HIVEP1: variants seen among roughly 807,000 people sequenced by gnomAD.
HIVEP1 encodes zinc finger protein 40.
Under a neutral mutation model 180.0 loss-of-function variants are expected in HIVEP1, and 36 were observed. That is an observed-to-expected ratio of 0.20 (90% confidence interval 0.15 to 0.26). The LOEUF (loss-of-function observed/expected upper bound fraction) is 0.26, where lower values mean the gene tolerates loss of function less well. HIVEP1 is among the 10% of genes least tolerant of loss of function. The pLI is 1.00. For synonymous variants in HIVEP1, 1,239 were observed against 1,239.0 expected (o/e 1.00, Z 0.00); for missense variants, 3,143 against 3,268.7 (o/e 0.96, Z 0.94).
At chr6:12,190,371 T>C in the HIVEP1 span, among the ~76,000 whole-genome samples, 2 of 152,232 alleles carry the variant, frequency 1.3e-5, no homozygotes, top group African/African-American at 2.4e-5. Context: ...AGGCCCTCCT[T>C]GAACTGGCTC....
chr6:12,092,900 C>T (rs535336537), intron 3 of HIVEP1, among the ~76,000 whole-genome samples: 3 of 152,282 alleles, frequency 2.0e-5, no homozygotes, highest in East Asian at 3.9e-4. Flanking sequence ...CTCGTACAGG[C>T]TGAACTCGCA....
At position 12,124,299 on chromosome 6, in the gene HIVEP1, A is replaced by C. The variant is rs746787270; in HGVS notation, c.4504A>C (p.Asn1502His). The C allele has an allele frequency of 6.2e-7, 1 of 1,613,960 alleles. No individual in the cohort carries two copies. The highest frequency in any genetic ancestry group is 2.2e-5 in the East Asian group (1 of 44,898). Residue 1502 changes from asparagine (N) to histidine (H), a missense_variant, in exon 4 of 9, where the codon AAC (asparagine) becomes CAC (histidine). Physicochemically the swap from Asn to His is moderately conservative, Grantham distance 68. Around this residue, in one of 12 missense-constraint regions of HIVEP1, gnomAD observed 1,357 missense variants for 1,260.5 expected, o/e 1.08. Coordinates refer to ENST00000379388, the MANE Select transcript of HIVEP1 (RefSeq NM_002114.4). Reference protein sequence around the residue: ...QAETSNSSSTNVFPVQQLCDI... With the variant: ...QAETSNSSSTHVFPVQQLCDI... Reference sequence around the variant, plus strand: ...AGAAACATCAAACTCCAGCTCTACCAACGTTTTTCCTGTTCAACAGCTCTG... The same window carrying C: ...AGAAACATCAAACTCCAGCTCTACCCACGTTTTTCCTGTTCAACAGCTCTG...
intron 7 of HIVEP1, among the ~76,000 whole-genome samples, chr6:12,140,765 A>G (rs1331009599): frequency 6.6e-6 from 1 of 152,230 alleles, no homozygotes; most frequent in Non-Finnish European, 1.5e-5. Context: ...AAGAAAGGGT[A>G]TCAGTGATTG....
rs748840990 is a variant in HIVEP1 at position 12,161,643 on chromosome 6, A to C, written c.6692A>C (p.Asp2231Ala). The change falls in exon 8 of 9, where the codon GAT becomes GCT. Residue 2231 changes from aspartate (D) to alanine (A), a missense_variant. Physicochemically the swap from Asp to Ala is moderately radical, Grantham distance 126. Around this residue, in one of 12 missense-constraint regions of HIVEP1, gnomAD observed 595 missense variants for 602.2 expected, o/e 0.99. Coordinates refer to ENST00000379388, the MANE Select transcript of HIVEP1 (RefSeq NM_002114.4). ...SLQDPVSTDE[D>A]VRITDCFSGV... ...CAGGACCCTGTGAGTACTGACGAGGATGTCAGGATCACCGATTGCTTTTCT... is the reference window on the plus strand; with the variant it reads ...CAGGACCCTGTGAGTACTGACGAGGCTGTCAGGATCACCGATTGCTTTTCT... The C allele has an allele frequency of 2.4e-5, 39 of 1,614,024 alleles. No individual in the cohort carries two copies. Among genetic ancestry groups the C allele is most frequent in the African/African-American group, 4.0e-5 (3 of 74,934 alleles).
intron 7 of HIVEP1, among the ~76,000 whole-genome samples, chr6:12,158,134 A>G (rs1437656366): frequency 6.6e-6 from 1 of 152,112 alleles, no homozygotes; most frequent in Non-Finnish European, 1.5e-5. Context: ...TCTCTGAAGT[A>G]TGTTTTTTTC....
intron 3 of HIVEP1, among the ~76,000 whole-genome samples, chr6:12,098,021 T>C (rs565403534): frequency 2.6e-5 from 4 of 152,198 alleles, no homozygotes; most frequent in Non-Finnish European, 5.9e-5. Context: ...CTCACATTCT[T>C]GTGCATACTT....
intron 2 of HIVEP1, among the ~76,000 whole-genome samples, chr6:12,072,657 C>T (rs1772056934): frequency 6.6e-6 from 1 of 152,114 alleles, no homozygotes; most frequent in African/African-American, 2.4e-5. Flanking sequence ...TCAGGCTTTT[C>T]TCTGTATGCG....
downstream of HIVEP1, among the ~76,000 whole-genome samples, chr6:12,167,637 A>T (rs1581823301): frequency 6.3e-5 from 1 of 15,848 alleles, no homozygotes; most frequent in Admixed American, 6.3e-4. Context: ...CATGTTATAT[A>T]TACATATACA....
At chr6:12,129,327 G>A (rs565328916) in intron 4 of HIVEP1, among the ~76,000 whole-genome samples, 1 of 152,296 alleles carries the variant, frequency 6.6e-6, no homozygotes, top group South Asian at 2.1e-4. Context: ...TTTCTAATGG[G>A]TATGAGGCAT....
chr6:12,062,596 A>G (rs1406923223), intron 2 of HIVEP1, among the ~76,000 whole-genome samples: 1 of 152,192 alleles, frequency 6.6e-6, no homozygotes. Context: ...AATAAGAAGT[A>G]ATCTTTAATG....
chr6:12,100,018 A>G (rs1368638680), intron 3 of HIVEP1, among the ~76,000 whole-genome samples: 1 of 152,340 alleles, frequency 6.6e-6, no homozygotes, highest in African/African-American at 2.4e-5. Flanking sequence ...AGGAAGACTC[A>G]GACTACTCTC....
chr6:12,202,934 CCA>C, the HIVEP1 span, among the ~76,000 whole-genome samples: 2 of 152,178 alleles, frequency 1.3e-5, no homozygotes, highest in South Asian at 2.1e-4. Context: ...CTTCTGAAAT[CCA>C]CAGTCTGTAA....
chr6:12,065,695 G>A (rs1044373099), intron 2 of HIVEP1, among the ~76,000 whole-genome samples: 1 of 57,802 alleles, frequency 1.7e-5, no homozygotes, highest in Non-Finnish European at 4.1e-5. Flanking sequence ...GTGTGTGCGT[G>A]TGTGTGTGTG....
intron 2 of HIVEP1, among the ~76,000 whole-genome samples, chr6:12,081,000 TC>T (rs1772752220): frequency 6.6e-6 from 1 of 151,918 alleles, no homozygotes; most frequent in East Asian, 1.9e-4. Flanking sequence ...GACTTCCAGC[TC>T]CCCCCTCCTA....
At chr6:12,034,541 C>CTG (rs1769155722) in intron 2 of HIVEP1, among the ~76,000 whole-genome samples, 1 of 152,094 alleles carries the variant, frequency 6.6e-6, no homozygotes, top group Non-Finnish European at 1.5e-5. Flanking sequence ...TTAAGACAAG[C>CTG]CCAAAACTGT....
chr6:12,117,134 A>G (rs1187882018), intron 3 of HIVEP1, among the ~76,000 whole-genome samples: 1 of 152,216 alleles, frequency 6.6e-6, no homozygotes, highest in Non-Finnish European at 1.5e-5. Flanking sequence ...TTTATTCCAA[A>G]AAAAGTTGAC....
chr6:12,032,888 G>A (rs573139794), intron 2 of HIVEP1, among the ~76,000 whole-genome samples: 12 of 152,232 alleles, frequency 7.9e-5, no homozygotes, highest in African/African-American at 2.6e-4. Flanking sequence ...GTACATTTTG[G>A]TTGAATGCTC....
chr6:12,171,690 A>C, the HIVEP1 span, among the ~76,000 whole-genome samples: 1 of 152,214 alleles, frequency 6.6e-6, no homozygotes, highest in Non-Finnish European at 1.5e-5. Flanking sequence ...TTGTGAGGGA[A>C]ATGCCATGTC....
In HIVEP1 at chr6:12,052,699, G is replaced by A. The variant is rs894119758; in HGVS notation, c.41-36485G>A. Among the ~76,000 whole-genome samples the A allele has an allele frequency of 1.1e-4, 16 of 152,202 alleles. 1 individual carries two copies. The highest frequency in any genetic ancestry group is 3.6e-4 in the African/African-American group (15 of 41,454). ...TGTACCTAGTAAATGGCCAAACTAG[G>A]AATTGAGCCTCAGTTTTGTCTGAAA... is the stretch of plus-strand genomic sequence containing the variant. On this transcript the variant is annotated intron_variant, in intron 2 of 8. Transcript: ENST00000379388.
Sources: gnomAD v4.1 joint callset for allele counts (sites outside exome capture counted in the v4.1 genomes callset) on GRCh38, gnomAD v4.1.1 for gene constraint, gnomAD v4.1.1 regional missense constraint, MANE v1.5 for transcripts, NCBI Gene and HGNC (gene_info 2026-07-23, HGNC 2026-07-21) for gene names.